The following UNC5B variants were observed in gnomAD, a reference collection of about 807,000 sequenced individuals.
The protein encoded by UNC5B is netrin receptor UNC5B.
In UNC5B, 56 loss-of-function variants were observed where a neutral mutation model predicts 103.7. That is an observed-to-expected ratio of 0.54 (90% CI 0.44 to 0.67). UNC5B has a LOEUF of 0.67. UNC5B is among the 30% of genes least tolerant of loss of function. The probability of loss-of-function intolerance (pLI) is 0.00; values close to 1 mark genes in which losing one functional copy is unlikely to be tolerated. For missense variants in UNC5B, 1,194 were observed against 1,284.5 expected (o/e 0.93, Z 1.08); for synonymous variants, 577 against 542.0 (o/e 1.06, Z -0.90).
Position 71,213,162 on chromosome 10 carries a change from A to G in UNC5B, c.79+98A>G. ...GGTCTTTCGTCGCATCGATGCGCGC[A>G]GGAAAAGCGGCAAGGGCGCCCAAGT... On this transcript the variant is annotated intron_variant, in intron 1 of 16. Transcript: ENST00000335350. This position sits in a 1 kb window ranked among gnomAD's most constrained non-coding sequence, Gnocchi z 4.1. The G allele has an allele frequency of 9.5e-7, 1 of 1,048,638 alleles. No homozygotes were observed. The highest frequency in any genetic ancestry group is 1.2e-6 in the Non-Finnish European group (1 of 817,594). The allele number at this position is 1,048,638 out of a possible 1,614,324, so 65.0% of individuals were successfully genotyped here.
In UNC5B at chr10:71,296,474, C is replaced by G. The variant is rs985533185; in HGVS notation, c.2326-104C>G. On this transcript the variant is annotated intron_variant, in intron 14 of 16. Coordinates refer to ENST00000335350, the MANE Select transcript of UNC5B (RefSeq NM_170744.5). ...ACCCCTCCCTATCTGGGTGGAGAGG[C>G]CTGAACTGCCCCCCAAAGCTCCCAA... 2.3e-5 allele frequency: 31 copies of G among 1,348,696 alleles called. No individual in the cohort carries two copies. In the African/African-American group the frequency reaches 3.8e-4, roughly 16 times the overall value. 83.5% of individuals were successfully genotyped at this position (1,348,696 alleles called of 1,614,324 possible). A position where few individuals can be genotyped will look rare whatever the true frequency, so the allele number is the denominator to read the frequency against.
chr10:71,294,874 T>C (rs60776306), intron 13 of UNC5B, among the ~76,000 whole-genome samples: 5,788 of 152,062 alleles, frequency 0.038, 343 homozygotes, highest in African/African-American at 0.13. Flanking sequence ...CCTTGTGCAT[T>C]CCCCCAAGTT....
chr10:71,252,806 C>G (rs903657062), intron 1 of UNC5B, among the ~76,000 whole-genome samples: 1 of 152,152 alleles, frequency 6.6e-6, no homozygotes, highest in African/African-American at 2.4e-5. Flanking sequence ...TTCCAGAGAG[C>G]GGGCAGGGAG....
At chr10:71,284,679 C>A in intron 2 of UNC5B, 41 bp from the exon 3 acceptor site, 1 of 1,609,540 alleles carries the variant, frequency 6.2e-7, no homozygotes, top group South Asian at 1.1e-5. Flanking sequence ...CACATCCTTG[C>A]TTTGCCCCTG....
chr10:71,270,973 G>A (rs1261947455), intron 1 of UNC5B, among the ~76,000 whole-genome samples: 1 of 152,206 alleles, frequency 6.6e-6, no homozygotes. Flanking sequence ...CCCAGAGATA[G>A]CTGTGGATGT....
chr10:71,296,387 C>T (rs1390660085), intron 14 of UNC5B, among the ~76,000 whole-genome samples, 191 bp from the exon 15 acceptor site: 1 of 152,184 alleles, frequency 6.6e-6, no homozygotes, highest in Non-Finnish European at 1.5e-5. Flanking sequence ...CCTACCCACC[C>T]TCAGCTCCCT....
chr10:71,246,980 T>C (rs1189352504), intron 1 of UNC5B, among the ~76,000 whole-genome samples: 3 of 152,094 alleles, frequency 2.0e-5, no homozygotes, highest in African/African-American at 7.2e-5. Context: ...CCTGAAGCCG[T>C]CCAGGACCTG....
chr10:71,241,586 A>T (rs1843903299), intron 1 of UNC5B, among the ~76,000 whole-genome samples: 1 of 152,102 alleles, frequency 6.6e-6, no homozygotes, highest in Non-Finnish European at 1.5e-5. Flanking sequence ...GGGCACATCT[A>T]GCTCTGTCCC....
At chr10:71,298,712 A>G (rs10762437) in intron 16 of UNC5B, among the ~76,000 whole-genome samples, 30,989 of 152,060 alleles carry the variant, frequency 0.2, 3,553 homozygotes, top group East Asian at 0.42. Flanking sequence ...AGGGGAGTTC[A>G]TGGGAGCAGG....
chr10:71,228,406 C>T (rs1589152005), intron 1 of UNC5B, among the ~76,000 whole-genome samples: 1 of 151,738 alleles, frequency 6.6e-6, no homozygotes, highest in African/African-American at 2.4e-5. Context: ...TCACAGAACA[C>T]CTTAAACAAA....
rs545311079 is a variant in UNC5B at position 71,284,860 on chromosome 10, G to A, written c.445G>A (p.Ala149Thr). Reference protein sequence around the residue: ...TKSRRAYVRIAYLRKNFDQEP... With the variant: ...TKSRRAYVRITYLRKNFDQEP... ...GAGTCGCCGAGCCTACGTCCGCATC[G>A]CCTGTACGCCACCCTGACCCCCACC... Residue 149 changes from alanine (A) to threonine (T), a missense_variant, in exon 3 of 17, where the codon GCC (alanine) becomes ACC (threonine). By Grantham distance (58) the Ala-to-Thr change is moderately conservative. Coordinates refer to ENST00000335350, the MANE Select transcript of UNC5B (RefSeq NM_170744.5). The A allele has an allele frequency of 5.6e-6, 9 of 1,600,254 alleles. No homozygotes were observed. The highest frequency in any genetic ancestry group is 4.0e-5 in the African/African-American group (3 of 74,966).
At chr10:71,249,224 C>A (rs1296078393) in intron 1 of UNC5B, among the ~76,000 whole-genome samples, 1 of 152,240 alleles carries the variant, frequency 6.6e-6, no homozygotes, top group African/African-American at 2.4e-5. Context: ...CTACAAAGTC[C>A]TCCTGGGCTT....
chr10:71,248,878 C>A (rs1189480410), intron 1 of UNC5B, among the ~76,000 whole-genome samples: 1 of 111,992 alleles, frequency 8.9e-6, no homozygotes, highest in Non-Finnish European at 1.8e-5. Context: ...CACACACACA[C>A]ACACACACAC....
chr10:71,249,851 G>A (rs915706380), intron 1 of UNC5B, among the ~76,000 whole-genome samples: 6 of 152,198 alleles, frequency 3.9e-5, no homozygotes, highest in Non-Finnish European at 8.8e-5. Flanking sequence ...CACTGGCCAC[G>A]TATCCCAGTG....
chr10:71,287,689 C>T lies in UNC5B; in HGVS notation c.825C>T (p.Asn275=), dbSNP rs753131538. The change falls in exon 6 of 17, where the codon AAC becomes AAT. Residue 275 remains asparagine, a synonymous_variant. Transcript: ENST00000335350. ...GWQKRTRTCT[N]PAPLNGGAFC... ...AGAAGCGCACCCGGACCTGCACCAA[C>T]CCCGCTCCACTCAACGGAGGGGCCT... 1.2e-6 allele frequency: 2 copies of T among 1,613,184 alleles called. No homozygotes were observed. Among genetic ancestry groups the T allele is most frequent in the Non-Finnish European group, 1.7e-6 (2 of 1,179,594 alleles).
At chr10:71,276,640 G>T (rs771089935) in intron 1 of UNC5B, among the ~76,000 whole-genome samples, 2 of 152,178 alleles carry the variant, frequency 1.3e-5, no homozygotes, top group South Asian at 4.1e-4. Context: ...CACCGCGATG[G>T]CCTGGCTGGT....
intron 1 of UNC5B, among the ~76,000 whole-genome samples, chr10:71,232,989 G>A (rs368803658): frequency 3.9e-5 from 6 of 152,330 alleles, no homozygotes; most frequent in African/African-American, 1.2e-4. Flanking sequence ...ATTTCTGCCA[G>A]CTGTGTCTGC....
chr10:71,241,905 C>G (rs1843909863), intron 1 of UNC5B, among the ~76,000 whole-genome samples: 1 of 152,068 alleles, frequency 6.6e-6, no homozygotes, highest in African/African-American at 2.4e-5. Context: ...GTATCACCTC[C>G]TATGTGATTA....
intron 8 of UNC5B, 92 bp from the exon 9 acceptor site, chr10:71,290,823 T>A: frequency 1.4e-6 from 2 of 1,457,906 alleles, no homozygotes; most frequent in Non-Finnish European, 1.8e-6. Flanking sequence ...CGGTTGGCCC[T>A]GGGCCCTGCC....
Sources: gnomAD v4.1 joint callset for allele counts (sites outside exome capture counted in the v4.1 genomes callset) on GRCh38, gnomAD v4.1.1 for gene constraint, Gnocchi (gnomAD v3.1) non-coding constraint, MANE v1.5 for transcripts, NCBI Gene and HGNC (gene_info 2026-07-23, HGNC 2026-07-21) for gene names.